Variants in CCBE1 observed in about 807,000 individuals in gnomAD.
CCBE1 encodes the protein collagen and calcium-binding EGF domain-containing protein 1.
A neutral mutation model predicts 50.0 loss-of-function variants in CCBE1; 37 were observed. The ratio of observed to expected loss-of-function variants is 0.74; its 90% CI spans 0.57 to 0.97. The LOEUF is 0.97. Ranked by LOEUF, CCBE1 falls within the 50% of genes least tolerant of loss-of-function variation. CCBE1 has a pLI of 0.00. For synonymous variants in CCBE1, 234 were observed against 203.7 expected (o/e 1.15, Z -1.27); for missense variants, 538 against 523.8 (o/e 1.03, Z -0.26).
intron 5 of CCBE1, chr18:59,458,926 G>A (rs1458917540): frequency 6.6e-6 from 1 of 152,222 alleles, no homozygotes; most frequent in East Asian, 1.9e-4. Context: ...AAGGAGAGTA[G>A]GCGCTGGTGG....
At chr18:59,652,325 CTGATTA>C (rs1014575400) in intron 2 of CCBE1, among the ~76,000 whole-genome samples, 1 of 152,210 alleles carries the variant, frequency 6.6e-6, no homozygotes, top group South Asian at 2.1e-4. Flanking sequence ...AGGATGCCAC[CTGATTA>C]TCAACAGGTA....
intron 2 of CCBE1, among the ~76,000 whole-genome samples, chr18:59,529,487 G>T (rs932342425): frequency 3.3e-5 from 5 of 152,230 alleles, no homozygotes; most frequent in African/African-American, 1.2e-4. Context: ...CCCTGGTGGT[G>T]TGGGCTCATG....
chr18:59,634,610 G>C (rs2053893011), intron 2 of CCBE1, among the ~76,000 whole-genome samples: 1 of 152,124 alleles, frequency 6.6e-6, no homozygotes, highest in Non-Finnish European at 1.5e-5. Context: ...TAGCAAAAGA[G>C]AGAAATAGCA....
intron 2 of CCBE1, among the ~76,000 whole-genome samples, chr18:59,659,744 A>G (rs1048311270): frequency 1.3e-5 from 2 of 152,200 alleles, no homozygotes; most frequent in Non-Finnish European, 2.9e-5. Context: ...TAGAGGAAAT[A>G]GTAAAATCCA....
chr18:59,475,707 ATATTTATTTATTATT>A (rs1216170242), intron 3 of CCBE1, among the ~76,000 whole-genome samples: 3 of 150,556 alleles, frequency 2.0e-5, no homozygotes, highest in African/African-American at 7.3e-5. Context: ...ATGCTCTGCT[ATATTTATTTATTATT>A]TATTTATTTT....
At chr18:59,512,787 C>A (rs1333796249) in intron 2 of CCBE1, among the ~76,000 whole-genome samples, 1 of 152,126 alleles carries the variant, frequency 6.6e-6, no homozygotes, top group Non-Finnish European at 1.5e-5. Context: ...GGGAACAAAT[C>A]CCGGGTAAGA....
chr18:59,587,190 A>C (rs1396941279), intron 2 of CCBE1, among the ~76,000 whole-genome samples: 1 of 152,244 alleles, frequency 6.6e-6, no homozygotes, highest in Non-Finnish European at 1.5e-5. Flanking sequence ...TATAAACCTT[A>C]AAGCCCAGTA....
chr18:59,634,221 A>G (rs2053888799), intron 2 of CCBE1, among the ~76,000 whole-genome samples: 1 of 152,234 alleles, frequency 6.6e-6, no homozygotes, highest in Admixed American at 6.5e-5. Context: ...AAAACCGCAA[A>G]CACAAAACAA....
intron 6 of CCBE1, among the ~76,000 whole-genome samples, chr18:59,448,620 G>A (rs1325796074): frequency 6.6e-6 from 1 of 152,160 alleles, no homozygotes; most frequent in Non-Finnish European, 1.5e-5. Flanking sequence ...AATCGTGACT[G>A]TGGTGGTTGT....
At chr18:59,445,354 C>T (rs539346966) in intron 7 of CCBE1, among the ~76,000 whole-genome samples, 3 of 152,246 alleles carry the variant, frequency 2.0e-5, no homozygotes, top group Non-Finnish European at 4.4e-5. Context: ...GTCCTGGATA[C>T]ATAGTGGGCT....
intron 5 of CCBE1, among the ~76,000 whole-genome samples, chr18:59,461,433 A>G (rs1419052076): frequency 2.0e-5 from 3 of 151,524 alleles, no homozygotes; most frequent in South Asian, 2.1e-4. Flanking sequence ...AATTATGTGT[A>G]TGAATTGCTT....
At chr18:59,474,209 T>G (rs1384688707) in intron 3 of CCBE1, among the ~76,000 whole-genome samples, 1 of 152,238 alleles carries the variant, frequency 6.6e-6, no homozygotes, top group African/African-American at 2.4e-5. Flanking sequence ...GAAATACATG[T>G]GTCTTTTTGG....
intron 3 of CCBE1, among the ~76,000 whole-genome samples, chr18:59,477,803 C>G (rs1040147762): frequency 6.6e-6 from 1 of 152,132 alleles, no homozygotes; most frequent in Admixed American, 6.6e-5. Flanking sequence ...GATGAACATA[C>G]AACTTTGTTA....
chr18:59,619,053 T>C (rs2144600931), intron 2 of CCBE1, among the ~76,000 whole-genome samples: 1 of 152,314 alleles, frequency 6.6e-6, no homozygotes, highest in South Asian at 2.1e-4. Flanking sequence ...AAAATGAAGT[T>C]AAAGGAAAAT....
At chr18:59,600,746 C>G (rs562180604) in intron 2 of CCBE1, among the ~76,000 whole-genome samples, 3 of 152,196 alleles carry the variant, frequency 2.0e-5, no homozygotes, top group African/African-American at 7.2e-5. Flanking sequence ...CCACCAACTC[C>G]TCCCTTCTCA....
chr18:59,691,331 G>T (rs1044024202), intron 2 of CCBE1, among the ~76,000 whole-genome samples: 2 of 152,224 alleles, frequency 1.3e-5, no homozygotes, highest in African/African-American at 2.4e-5. Flanking sequence ...CAGCATGCAA[G>T]GTGTGTCATT....
chr18:59,527,013 A>C (rs1914850469), intron 2 of CCBE1, among the ~76,000 whole-genome samples: 1 of 152,212 alleles, frequency 6.6e-6, no homozygotes, highest in Non-Finnish European at 1.5e-5. Context: ...TTCTGTAGCT[A>C]TCTAATAGGC....
chr18:59,444,924 C>A (rs1910605221), intron 7 of CCBE1, among the ~76,000 whole-genome samples: 4 of 151,982 alleles, frequency 2.6e-5, no homozygotes, highest in Admixed American at 2.0e-4. Flanking sequence ...TATTGAAGTT[C>A]TTATATATCC....
intron 2 of CCBE1, among the ~76,000 whole-genome samples, chr18:59,500,930 C>T (rs1410879649): frequency 1.3e-5 from 2 of 152,218 alleles, no homozygotes; most frequent in African/African-American, 4.8e-5. Flanking sequence ...ACTGCCACCT[C>T]ATACAGAGCT....
Sources: allele counts gnomAD v4.1 joint callset (sites outside exome capture counted in the v4.1 genomes callset), GRCh38; gene constraint gnomAD v4.1.1; transcripts MANE v1.5; gene names NCBI Gene and HGNC (gene_info 2026-07-23, HGNC 2026-07-21).